G2E3: variants seen among roughly 807,000 people sequenced by gnomAD.
G2E3 encodes the protein G2/M-phase specific E3 ubiquitin protein ligase.
G2E3 carries 35 observed loss-of-function variants against 92.8 expected under a neutral mutation model. That is an observed-to-expected ratio of 0.38 (90% CI 0.29 to 0.50). The LOEUF is 0.50. Among genes scored for constraint, G2E3 ranks in the 20% least tolerant of loss-of-function variants. The pLI, the probability that G2E3 is intolerant of heterozygous loss-of-function variation, is 0.94. For missense variants in G2E3, 554 were observed against 823.8 expected (o/e 0.67, Z 4.01); for synonymous variants, 242 against 272.4 (o/e 0.89, Z 1.10).
At chr14:30,597,304 G>A in intron 6 of G2E3, 116 bp from the exon 7 acceptor site, 1 of 680,808 alleles carries the variant, frequency 1.5e-6, no homozygotes, top group Admixed American at 2.5e-5. Flanking sequence ...GAACCCACTA[G>A]CATAGAAAAT....
intron 1 of G2E3, among the ~76,000 whole-genome samples, chr14:30,569,586 C>A (rs1291747267): frequency 6.6e-6 from 1 of 152,012 alleles, no homozygotes; most frequent in Non-Finnish European, 1.5e-5. Context: ...GACAGAATAG[C>A]CTTTATTGCC....
At chr14:30,575,147 G>A (rs1879999966) in intron 1 of G2E3, among the ~76,000 whole-genome samples, 1 of 151,998 alleles carries the variant, frequency 6.6e-6, no homozygotes, top group Non-Finnish European at 1.5e-5. Context: ...TCTCATTGTA[G>A]TTTTGATTTG....
intron 10 of G2E3, among the ~76,000 whole-genome samples, chr14:30,604,091 C>T (rs7158970): frequency 0.057 from 8,667 of 152,162 alleles, 315 homozygotes; most frequent in African/African-American, 0.092. Context: ...TTTCCAAAGA[C>T]GCTACACCAG....
rs533442439 is a variant in G2E3, at chr14:30,602,126, A to T, written c.1005A>T (p.Leu335=). The change falls in exon 10 of 15, where the codon CTA becomes CTT. Residue 335 remains leucine (L), a synonymous_variant. Coordinates refer to ENST00000206595, the MANE Select transcript of G2E3 (RefSeq NM_017769.5). ...CACCTGGATCCCAGAGTAAAGATCT[A>T]CTGAGGTATGTATTTTGAATTGGAG... ...RQSPGSQSKD[L]LRQGSKFRRN... The T allele has an allele frequency of 1.3e-6, 2 of 1,598,030 alleles. No homozygotes were observed. The highest frequency in any genetic ancestry group is 2.3e-5 in the South Asian group (2 of 87,730).
intron 1 of G2E3, chr14:30,573,648 A>G (rs1236941448): frequency 6.6e-6 from 1 of 152,096 alleles, no homozygotes; most frequent in Non-Finnish European, 1.5e-5. Context: ...AGAACCAGGA[A>G]CACCAAGGAC....
At chr14:30,564,495 G>C (rs1168534636) in intron 1 of G2E3, among the ~76,000 whole-genome samples, 2 of 152,030 alleles carry the variant, frequency 1.3e-5, no homozygotes, top group South Asian at 2.1e-4. Flanking sequence ...ACCAAGACTG[G>C]CTAATTAAAA....
intron 8 of G2E3, 69 bp downstream of exon 8, chr14:30,598,668 ATAGT>A: frequency 1.0e-6 from 1 of 985,822 alleles, no homozygotes; most frequent in South Asian, 1.3e-5. Context: ...AGTAGATTTT[ATAGT>A]TAGTGAAACG....
rs530691287 is a variant in G2E3 at position 30,579,086 on chromosome 14, T to C, written c.-4-1990T>C. Among the ~76,000 whole-genome samples the C allele has an allele frequency of 2.0e-5, 3 of 152,266 alleles. No homozygotes were observed. In the South Asian group the frequency reaches 6.2e-4, roughly 32 times the overall value. On this transcript the variant is annotated intron_variant, in intron 1 of 14. Coordinates refer to ENST00000206595, the MANE Select transcript of G2E3 (RefSeq NM_017769.5). ...TTCACTTAAGGCAGTTCTGTAGTTATTGTTTGAGAATGTATAAACATCAAA... is the reference window on the plus strand; with the variant it reads ...TTCACTTAAGGCAGTTCTGTAGTTACTGTTTGAGAATGTATAAACATCAAA...
At position 30,619,465 on chromosome 14, in the gene G2E3, T is replaced by G. The variant is rs775183400; in HGVS notation, c.*2931T>G. The G allele has an allele frequency of 1.3e-5, 2 of 152,184 alleles. No individual in the cohort carries two copies. The highest frequency in any genetic ancestry group is 2.4e-5 in the African/African-American group (1 of 41,466). The allele number at this position is 152,184 out of a possible 1,614,324, so 9.4% of individuals were successfully genotyped here. A position where few individuals can be genotyped will look rare whatever the true frequency, so the allele number is the denominator to read the frequency against. On this transcript the variant is annotated 3_prime_UTR_variant, in exon 15 of 15. Coordinates refer to ENST00000206595, the MANE Select transcript of G2E3 (RefSeq NM_017769.5). The stretch of plus-strand genomic sequence containing the variant: ...CTTTTATATAGTGATTATCATGTAC[T>G]GCATTGTTACTTTAAAATAAGCTAT...
In G2E3 at chr14:30,615,550, AT is replaced by A; in HGVS notation, c.1864+15del. On this transcript the variant is annotated intron_variant, in intron 14 of 14. Coordinates refer to ENST00000206595, the MANE Select transcript of G2E3 (RefSeq NM_017769.5). ...TACAGGCTGTTGAAGGTATGTGGAT[AT>A]TTTATTTTACTTTTAACGATCTCAG... 6.7e-7 allele frequency: 1 copy of A among 1,490,390 alleles called. No individual in the cohort carries two copies. The highest frequency in any genetic ancestry group is 9.1e-7 in the Non-Finnish European group (1 of 1,103,822). The allele number at this position is 1,490,390 out of a possible 1,614,324, so 92.3% of individuals were successfully genotyped here.
chr14:30,571,067 T>C (rs2138784179), intron 1 of G2E3, among the ~76,000 whole-genome samples: 1 of 152,238 alleles, frequency 6.6e-6, no homozygotes, highest in African/African-American at 2.4e-5. Context: ...TTCTCCTCTG[T>C]GTTTTTTCTA....
chr14:30,560,785 A>G lies in G2E3; in HGVS notation c.-5+1513A>G, dbSNP rs60353606. Reference sequence around the variant, plus strand: ...CTGATTCCTGCACTTCAGATCTCAGATTCTGAATCAGTAGGTCTGGAGGAT... The same window carrying G: ...CTGATTCCTGCACTTCAGATCTCAGGTTCTGAATCAGTAGGTCTGGAGGAT... On this transcript the variant is annotated intron_variant, in intron 1 of 14. Transcript: ENST00000206595. The G allele has an allele frequency of 5.3e-3, 3,707 of 702,158 alleles. 127 individuals carry two copies. In the African/African-American group the frequency reaches 0.057, roughly 11 times the overall value. The allele number at this position is 702,158 out of a possible 1,614,324, so 43.5% of individuals were successfully genotyped here. A position where few individuals can be genotyped will look rare whatever the true frequency, so the allele number is the denominator to read the frequency against.
rs549811366 is a variant in G2E3 at position 30,597,753 on chromosome 14, C to T, written c.635+227C>T. The stretch of plus-strand genomic sequence containing the variant: ...TATAATCTCTTTATAAGTAGCTCAG[C>T]TATGTCCAATTTTAATTGATTGACT... On this transcript the variant is annotated intron_variant, in intron 7 of 14. Transcript: ENST00000206595. 6.6e-5 allele frequency among the ~76,000 whole-genome samples: 10 copies of T among 152,202 alleles called. No individual in the cohort carries two copies. In the South Asian group the frequency reaches 1.9e-3, roughly 28 times the overall value.
At chr14:30,592,246 T>A in intron 4 of G2E3, 77 bp from the exon 5 acceptor site, 1 of 1,226,640 alleles carries the variant, frequency 8.2e-7, no homozygotes, top group Non-Finnish European at 1.2e-6. Flanking sequence ...CCACCAGGAG[T>A]ATTTATTTAT....
chr14:30,564,160 C>G (rs1879292544), intron 1 of G2E3, among the ~76,000 whole-genome samples: 1 of 152,132 alleles, frequency 6.6e-6, no homozygotes, highest in African/African-American at 2.4e-5. Context: ...AATGTATTCT[C>G]TTGTATGAAT....
chr14:30,592,943 G>T (rs1025767426), intron 5 of G2E3, among the ~76,000 whole-genome samples: 1 of 151,972 alleles, frequency 6.6e-6, no homozygotes, highest in African/African-American at 2.4e-5. Flanking sequence ...TTGACTTTTG[G>T]TATCATAAGT....
In G2E3 at chr14:30,595,764, G is replaced by A. The variant is rs140906681; in HGVS notation, c.529-1656G>A. 3.8e-4 allele frequency among the ~76,000 whole-genome samples: 58 copies of A among 152,262 alleles called. No individual in the cohort carries two copies. In the East Asian group the frequency reaches 0.011, roughly 29 times the overall value. ...AACATATGGAGTCTTATCCAATCTA[G>A]ATAGCTGTATGTGGTTAAACAAATG... On this transcript the variant is annotated intron_variant, in intron 6 of 14. Transcript: ENST00000206595.
intron 12 of G2E3, 104 bp from the exon 13 acceptor site, chr14:30,612,103 T>G: frequency 1.3e-6 from 1 of 765,148 alleles, no homozygotes; most frequent in South Asian, 1.8e-5. Context: ...ACTGCACCCA[T>G]ATGTACTAAG....
At chr14:30,615,919 G>C (rs1882292047) in intron 14 of G2E3, among the ~76,000 whole-genome samples, 1 of 152,114 alleles carries the variant, frequency 6.6e-6, no homozygotes, top group Non-Finnish European at 1.5e-5. Context: ...ATTTATCATT[G>C]AGCATTAGCA....
Sources: gnomAD v4.1 joint callset for allele counts (sites outside exome capture counted in the v4.1 genomes callset) on GRCh38, gnomAD v4.1.1 for gene constraint, MANE v1.5 for transcripts, NCBI Gene and HGNC (gene_info 2026-07-23, HGNC 2026-07-21) for gene names.